KPNA2: variants seen among roughly 807,000 people sequenced by gnomAD.
KPNA2 encodes importin subunit alpha-1.
KPNA2 carries 20 observed loss-of-function variants against 53.7 expected under a neutral mutation model. The observed-to-expected ratio is 0.37, with a 90% CI of 0.26 to 0.54. The LOEUF is 0.54. Among genes scored for constraint, KPNA2 ranks in the 20% least tolerant of loss-of-function variants. The pLI is 0.83. For missense variants in KPNA2, 515 were observed against 640.3 expected, an observed-to-expected ratio of 0.80 and a Z score of 2.11; for synonymous variants, 238 against 227.5, an observed-to-expected ratio of 1.05 and a Z score of -0.42.
At chr17:68,038,088 T>C (rs1555704025) in intron 3 of KPNA2, among the ~76,000 whole-genome samples, 5 of 152,200 alleles carry the variant, frequency 3.3e-5, no homozygotes. Context: ...GCCATTCTCC[T>C]GCCTCAGCCT....
intron 4 of KPNA2, 68 bp downstream of exon 4, chr17:68,040,834 T>A: frequency 6.0e-6 from 4 of 668,828 alleles, no homozygotes; most frequent in Non-Finnish European, 1.1e-5. Flanking sequence ...TTTTGGGGGG[T>A]GGGGCAGGAA....
At chr17:68,040,637 T>C (rs558486372) in intron 3 of KPNA2, 41 bp from the exon 4 acceptor site, 1 of 1,325,686 alleles carries the variant, frequency 7.5e-7, no homozygotes, top group Non-Finnish European at 1.1e-6. Flanking sequence ...TGTTTGTATT[T>C]AATCTTAATG....
intron 4 of KPNA2, among the ~76,000 whole-genome samples, chr17:68,041,684 GCA>G (rs2071262215): frequency 6.6e-6 from 1 of 152,118 alleles, no homozygotes; most frequent in African/African-American, 2.4e-5. Flanking sequence ...TGTGATCGTG[GCA>G]CTGCACTCTA....
At position 68,039,794 on chromosome 17, in the gene KPNA2, C is replaced by T. The variant is rs529903802; in HGVS notation, c.214-884C>T. Among the ~76,000 whole-genome samples, 26 of 144,950 alleles carry T rather than the reference C, an allele frequency of 1.8e-4. No homozygotes were observed. The South Asian group carries it at 2.4e-3, about 14-fold the overall frequency. ...AAACTCTGTCTCCAAAAAAAAAAGT[C>T]GGGCATGGTAGCTCATGCCTGTAAT... On this transcript the variant is annotated intron_variant, in intron 3 of 10. Coordinates refer to ENST00000330459, the MANE Select transcript of KPNA2 (RefSeq NM_002266.4).
rs1568277024 is a variant in KPNA2 at position 68,042,985 on chromosome 17, AT to A, written c.653del (p.Met218SerfsTer4). ...GTTGGCTCTCCTTGCAGTTCCTGAT[AT>A]GTCATCTTTAGCAGTAAGTTACTAA... ...PLLALLAVPD[M>X]SSLACGYLRN... On this transcript the variant is annotated frameshift_variant, in exon 6 of 11. Transcript: ENST00000330459. LOFTEE classifies it high-confidence loss of function. The A allele has an allele frequency of 6.2e-7, 1 of 1,613,192 alleles. No homozygotes were observed. The highest frequency in any genetic ancestry group is 8.5e-7 in the Non-Finnish European group (1 of 1,179,450).
Position 68,037,176 on chromosome 17 carries a change from A to C in KPNA2, c.44A>C (p.His15Pro). The C allele has an allele frequency of 1.2e-6, 2 of 1,613,600 alleles. No homozygotes were observed. The highest frequency in any genetic ancestry group is 1.3e-5 in the African/African-American group (1 of 74,982). Residue 15 changes from histidine to proline, a missense_variant, in exon 2 of 11, where the codon CAC becomes CCC. Physicochemically the swap from His to Pro is moderately conservative, Grantham distance 77 (BLOSUM62 -2). Transcript: ENST00000330459. ...GCTAATACACCAGCTGCCCGTCTTC[A>C]CAGATTCAAGAACAAGGGAAAAGAC... is the stretch of plus-strand genomic sequence containing the variant. The part of the protein sequence containing the change: ...ENANTPAARL[H>P]RFKNKGKDST...
chr17:68,040,320 C>T (rs992242340), intron 3 of KPNA2, among the ~76,000 whole-genome samples: 2 of 147,086 alleles, frequency 1.4e-5, no homozygotes, highest in African/African-American at 2.5e-5. Flanking sequence ...GCTGGTCTCA[C>T]CTGAGCTCAA....
At position 68,043,267 on chromosome 17, in the gene KPNA2, T is replaced by A. The variant is rs1555704910; in HGVS notation, c.834T>A (p.Leu278=). The part of the protein sequence containing the change: ...LADTCWAISY[L]TDGPNERIGM... ...ATACCTGCTGGGCTATTTCCTACCT[T>A]ACTGATGGTCCAAATGAACGAATTG... Residue 278 remains leucine (L), a synonymous_variant, in exon 7 of 11, where the codon CTT becomes CTA. Transcript: ENST00000330459. 2 of 1,614,182 alleles carry A rather than the reference T, an allele frequency of 1.2e-6. No individual in the cohort carries two copies. Among genetic ancestry groups the A allele is most frequent in the Non-Finnish European group, 1.7e-6 (2 of 1,180,004 alleles).
chr17:68,037,521 G>A (rs782305365), intron 3 of KPNA2, 26 bp downstream of exon 3: 3 of 1,601,044 alleles, frequency 1.9e-6, no homozygotes, highest in Non-Finnish European at 2.6e-6. Flanking sequence ...TAGTTTATGA[G>A]TTACGTGAAA....
chr17:68,035,973 C>A (rs544437472), intron 1 of KPNA2, 133 bp downstream of exon 1: 1 of 152,354 alleles, frequency 6.6e-6, no homozygotes, highest in South Asian at 2.1e-4. Context: ...GACTAGGCCT[C>A]GGGGGCGACG....
Position 68,037,461 on chromosome 17 carries a change from C to A in KPNA2, c.179C>A (p.Ala60Asp). The change falls in exon 3 of 11, where the codon GCT (alanine) becomes GAT (aspartate). Residue 60 changes from alanine to aspartate, a missense_variant. Coordinates refer to ENST00000330459, the MANE Select transcript of KPNA2 (RefSeq NM_002266.4). ...AATGTAAGCTCATTTCCTGATGATG[C>A]TACTTCTCCGCTGCAGGAAAACCGC... is the stretch of plus-strand genomic sequence containing the variant. ...RRNVSSFPDD[A>D]TSPLQENRNN... is the part of the protein sequence containing the mutation. 6.2e-7 allele frequency: 1 copy of A among 1,613,728 alleles called. No homozygotes were observed. The highest frequency in any genetic ancestry group is 8.5e-7 in the Non-Finnish European group (1 of 1,179,888).
At chr17:68,046,361 C>T (rs2071330586) in intron 10 of KPNA2, 143 bp from the exon 11 acceptor site, 1 of 541,146 alleles carries the variant, frequency 1.8e-6, no homozygotes. Context: ...ACCCTCCCTC[C>T]TCTATGTCAA....
chr17:68,040,809 T>A, intron 4 of KPNA2, 43 bp downstream of exon 4: 1 of 1,263,210 alleles, frequency 7.9e-7, no homozygotes, highest in South Asian at 1.2e-5. Context: ...AAGAAATTTG[T>A]GTTTTTAGAT....
chr17:68,036,645 A>G (rs1242152796), intron 1 of KPNA2: 3 of 164,706 alleles, frequency 1.8e-5, no homozygotes, highest in Non-Finnish European at 2.6e-5. Flanking sequence ...CGGTGGATAC[A>G]TGTGGCTAGT....
chr17:68,041,099 TAGTA>T (rs1555704516), intron 4 of KPNA2, among the ~76,000 whole-genome samples: 1 of 152,190 alleles, frequency 6.6e-6, no homozygotes, highest in Non-Finnish European at 1.5e-5. Context: ...AAGAAATAAA[TAGTA>T]AGTGGGATTG....
At chr17:68,040,396 T>C (rs1418405446) in intron 3 of KPNA2, among the ~76,000 whole-genome samples, 1 of 151,850 alleles carries the variant, frequency 6.6e-6, no homozygotes, top group Non-Finnish European at 1.5e-5. Context: ...TGCCTGTCCT[T>C]CTCGTTCATT....
chr17:68,046,694 T>C lies in KPNA2; in HGVS notation c.*98T>C. The C allele has an allele frequency of 1.3e-6, 1 of 778,188 alleles. No individual in the cohort carries two copies. The highest frequency in any genetic ancestry group is 2.2e-6 in the Non-Finnish European group (1 of 450,388). The allele number at this position is 778,188 out of a possible 1,614,324, so 48.2% of individuals were successfully genotyped here. A position where few individuals can be genotyped will look rare whatever the true frequency, so the allele number is the denominator to read the frequency against. ...CTCTTTCTTAAATGTGGTTTGTTAC[T>C]GTAGCACTTTTTACACTGAAACTAT... is the stretch of plus-strand genomic sequence containing the variant. On this transcript the variant is annotated 3_prime_UTR_variant, in exon 11 of 11. Coordinates refer to ENST00000330459, the MANE Select transcript of KPNA2 (RefSeq NM_002266.4).
intron 10 of KPNA2, 82 bp from the exon 11 acceptor site, chr17:68,046,422 A>C: frequency 7.5e-6 from 6 of 798,920 alleles, no homozygotes; most frequent in Non-Finnish European, 1.3e-5. Context: ...ATCAAGACCT[A>C]GAGATTAAAT....
At chr17:68,040,514 A>G (rs2071247391) in intron 3 of KPNA2, among the ~76,000 whole-genome samples, 164 bp from the exon 4 acceptor site, 1 of 152,208 alleles carries the variant, frequency 6.6e-6, no homozygotes, top group Non-Finnish European at 1.5e-5. Context: ...TGTTCTACAT[A>G]TAAAATAATG....
Sources: gnomAD v4.1 joint callset for allele counts (sites outside exome capture counted in the v4.1 genomes callset) on GRCh38, gnomAD v4.1.1 for gene constraint, MANE v1.5 for transcripts, NCBI Gene and HGNC (gene_info 2026-07-23, HGNC 2026-07-21) for gene names.